The following CYP26B1 variants were observed in gnomAD, a reference collection of about 807,000 sequenced individuals.
The protein encoded by CYP26B1 is cytochrome P450 family 26 subfamily B member 1, also known as cytochrome P450 26B1.
Under a neutral mutation model 39.1 loss-of-function variants are expected in CYP26B1, and 8 were observed. The ratio of observed to expected loss-of-function variants is 0.20; its 90% CI spans 0.12 to 0.37. The LOEUF (loss-of-function observed/expected upper bound fraction) is 0.37. Ranked by LOEUF, CYP26B1 falls within the 10% of genes least tolerant of loss-of-function variation. CYP26B1 has a pLI of 1.00. For missense variants in CYP26B1, 615 were observed against 707.0 expected, an observed-to-expected ratio of 0.87 and a Z score of 1.48; for synonymous variants, 321 against 314.3, an observed-to-expected ratio of 1.02 and a Z score of -0.23.
chr2:72,129,534 T>C lies in CYP26B1; in HGVS notation c.*2693A>G, dbSNP rs1389372792. ...AACAAATATTTAACAGCAAAAACTT[T>C]ATACTAAATATCTATTTTGAATTAT... is the stretch of plus-strand genomic sequence containing the variant. On this transcript the variant is annotated 3_prime_UTR_variant, in exon 6 of 6. Transcript: ENST00000001146. The C allele has an allele frequency of 6.6e-6, 1 of 152,570 alleles. No homozygotes were observed. The highest frequency in any genetic ancestry group is 1.5e-5 in the Non-Finnish European group (1 of 68,046). The allele number at this position is 152,570 out of a possible 1,614,324, so 9.5% of individuals were successfully genotyped here. A position where few individuals can be genotyped will look rare whatever the true frequency, so the allele number is the denominator to read the frequency against.
intron 2 of CYP26B1, among the ~76,000 whole-genome samples, chr2:72,142,119 G>T (rs2104085500): frequency 1.3e-5 from 2 of 151,322 alleles, no homozygotes; most frequent in East Asian, 3.9e-4. Context: ...TCCTGAGGCG[G>T]GTCATCTGCA....
rs756773895 is a variant in CYP26B1 at position 72,133,023 on chromosome 2, A to G, written c.1146T>C (p.Asp382=). ...CCCGGTGCCACGGGCCCAGCCTCAC[A>G]TCAAGCTCGAAGGTCTGCAGCACAG... is the stretch of plus-strand genomic sequence containing the variant. ...YRTVLQTFEL[D]GFQIPKGWSV... The change falls in exon 5 of 6, where the codon GAT becomes GAC. Residue 382 remains aspartate (D), a splice_region_variant and synonymous_variant. Coordinates refer to ENST00000001146, the MANE Select transcript of CYP26B1 (RefSeq NM_019885.4). 2 of 1,613,150 alleles carry G rather than the reference A, an allele frequency of 1.2e-6. No homozygotes were observed. Among genetic ancestry groups the G allele is most frequent in the South Asian group, 1.1e-5 (1 of 91,088 alleles).
chr2:72,132,927 C>T, intron 5 of CYP26B1, 96 bp downstream of exon 5: 1 of 1,571,172 alleles, frequency 6.4e-7, no homozygotes, highest in Non-Finnish European at 8.7e-7. Context: ...CCCCATCAGG[C>T]CTGAAGTCCC....
chr2:72,146,012 A>T (rs976861705), intron 1 of CYP26B1, among the ~76,000 whole-genome samples: 1 of 151,688 alleles, frequency 6.6e-6, no homozygotes, highest in Non-Finnish European at 1.5e-5. Flanking sequence ...CTGTACACGT[A>T]CCCCCTATTT....
Position 72,143,976 on chromosome 2 carries a change from G to A in CYP26B1, c.429+13C>T, listed in dbSNP as rs780263423. The A allele has an allele frequency of 2.5e-6, 4 of 1,613,154 alleles. No individual in the cohort carries two copies. Among genetic ancestry groups the A allele is most frequent in the Middle Eastern group, 1.7e-4 (1 of 6,036 alleles). ...GGAGGGATTGCGCGGAAGAAAACGGGCAGAGTTCTTACCTTGCGCTTGTTG... is the reference window on the plus strand; with the variant it reads ...GGAGGGATTGCGCGGAAGAAAACGGACAGAGTTCTTACCTTGCGCTTGTTG... On this transcript the variant is annotated intron_variant, in intron 2 of 5. Coordinates refer to ENST00000001146, the MANE Select transcript of CYP26B1 (RefSeq NM_019885.4).
At chr2:72,145,571 C>T (rs189131864) in intron 1 of CYP26B1, among the ~76,000 whole-genome samples, 6 of 152,312 alleles carry the variant, frequency 3.9e-5, no homozygotes, top group Admixed American at 1.3e-4. Context: ...GGGTTTCCCT[C>T]CCTCCGTCTG....
chr2:72,146,334 G>T (rs1293552657), intron 1 of CYP26B1, among the ~76,000 whole-genome samples: 1 of 143,094 alleles, frequency 7.0e-6, no homozygotes, highest in Non-Finnish European at 1.5e-5. Flanking sequence ...GGTGGCGAGG[G>T]AAAGGCTCTG....
Position 72,133,128 on chromosome 2 carries a change from C to G in CYP26B1, c.1041G>C (p.Thr347=), listed in dbSNP as rs372265677. ...CPCEGTLRLD[T]LSGLRYLDCV... is the part of the protein sequence containing the mutation. ...AGTCCAGGTAGCGCAGCCCACTGAG[C>G]GTGTCCAGGCGCAGTGTGCCCTCGC... Residue 347 remains threonine, a synonymous_variant, in exon 5 of 6, where the codon ACG becomes ACC. Transcript: ENST00000001146. The G allele has an allele frequency of 3.3e-5, 53 of 1,612,900 alleles. No individual in the cohort carries two copies. Among genetic ancestry groups the G allele is most frequent in the Non-Finnish European group, 4.4e-5 (52 of 1,179,946 alleles).
At chr2:72,143,945 G>A in intron 2 of CYP26B1, 44 bp downstream of exon 2, 1 of 1,603,634 alleles carries the variant, frequency 6.2e-7, no homozygotes, top group South Asian at 1.1e-5. Flanking sequence ...CTTGCCCCGA[G>A]GTGGGGGAGG....
rs577187734 is a variant in CYP26B1, at chr2:72,145,363, C to T, written c.205-1150G>A. Among the ~76,000 whole-genome samples, 432 of 152,342 alleles carry T rather than the reference C, an allele frequency of 2.8e-3. 3 individuals are homozygous for T. Among genetic ancestry groups the T allele is most frequent in the African/African-American group, 0.01 (425 of 41,580 alleles). ...CTAATCACTTTTCCACATGCGCCTC[C>T]GGCCCGGCGCGCGACGGGGAACGAG... On this transcript the variant is annotated intron_variant, in intron 1 of 5. Coordinates refer to ENST00000001146, the MANE Select transcript of CYP26B1 (RefSeq NM_019885.4).
rs149302873 is a variant in CYP26B1 at position 72,133,260 on chromosome 2, G to A, written c.909C>T (p.Ser303=). 116 of 1,610,724 alleles carry A rather than the reference G, an allele frequency of 7.2e-5. 1 individual carries two copies. The African/African-American group carries it at 9.9e-4, about 14-fold the overall frequency. The change falls in exon 5 of 6, where the codon AGC becomes AGT. Residue 303 remains serine, a synonymous_variant. Coordinates refer to ENST00000001146, the MANE Select transcript of CYP26B1 (RefSeq NM_019885.4). ...GCTGCATGATGAGTGAGGTGCTGGCGCTGGCCGTGGTGGCATAGGCCGCAA... is the reference window on the plus strand; with the variant it reads ...GCTGCATGATGAGTGAGGTGCTGGCACTGGCCGTGGTGGCATAGGCCGCAA... ...LIFAAYATTA[S]ASTSLIMQLL...
At position 72,147,582 on chromosome 2, in the gene CYP26B1, G is replaced by T. The variant is rs763372375; in HGVS notation, c.204+49C>A. On this transcript the variant is annotated intron_variant, in intron 1 of 5. Transcript: ENST00000001146. The surrounding 1 kb of genome is among the most constrained non-coding windows in gnomAD (Gnocchi z 6.1). ...CGGCCCGCCGCTCCGTCTGCCCCGC[G>T]CTCGCAGCTAGCGGACCCCGGAGTG... The T allele has an allele frequency of 6.5e-7, 1 of 1,547,958 alleles. No homozygotes were observed. The highest frequency in any genetic ancestry group is 2.5e-5 in the East Asian group (1 of 39,670).
intron 2 of CYP26B1, among the ~76,000 whole-genome samples, chr2:72,139,478 G>T (rs986040976): frequency 2.2e-4 from 34 of 152,178 alleles, no homozygotes; most frequent in African/African-American, 8.2e-4. Flanking sequence ...CCCTCTGGTT[G>T]CGAGGAGGCT....
At chr2:72,143,570 C>T (rs1462842957) in intron 2 of CYP26B1, among the ~76,000 whole-genome samples, 1 of 152,252 alleles carries the variant, frequency 6.6e-6, no homozygotes, top group East Asian at 1.9e-4. Flanking sequence ...TTCAAGCAGC[C>T]TGTGGTGGGA....
At chr2:72,144,247 G>T in intron 1 of CYP26B1, 34 bp from the exon 2 acceptor site, 2 of 1,569,832 alleles carry the variant, frequency 1.3e-6, no homozygotes, top group Non-Finnish European at 1.7e-6. Context: ...CTCTCAGGGT[G>T]CACTTCTGCA....
intron 1 of CYP26B1, among the ~76,000 whole-genome samples, chr2:72,146,891 T>C (rs529488796): frequency 1.5e-4 from 23 of 152,100 alleles, no homozygotes; most frequent in African/African-American, 5.1e-4. Context: ...CAGAGTGGGG[T>C]TGTGCGGCAT....
At chr2:72,138,054 G>A (rs1472310789) in intron 2 of CYP26B1, among the ~76,000 whole-genome samples, 1 of 152,180 alleles carries the variant, frequency 6.6e-6, no homozygotes, top group Admixed American at 6.5e-5. Flanking sequence ...TGTCCGTGAC[G>A]CTCCTCAGAG....
chr2:72,142,312 T>A (rs1026316259), intron 2 of CYP26B1, among the ~76,000 whole-genome samples: 20 of 152,300 alleles, frequency 1.3e-4, no homozygotes, highest in African/African-American at 4.6e-4. Context: ...TCTCACACTC[T>A]GGTCCTGGCC....
rs539224198 is a variant in CYP26B1 at position 72,141,303 on chromosome 2, T to G, written c.429+2686A>C. The stretch of plus-strand genomic sequence containing the variant: ...GCCTGGCTTCCAGAGATGATTCTGT[T>G]AGACTGGGCAAGACTTTCTGGACTT... On this transcript the variant is annotated intron_variant, in intron 2 of 5. Transcript: ENST00000001146. Among the ~76,000 whole-genome samples the G allele has an allele frequency of 6.3e-4, 96 of 152,288 alleles. 1 individual carries two copies. The highest frequency in any genetic ancestry group is 2.2e-3 in the African/African-American group (93 of 41,566).
Sources: allele counts gnomAD v4.1 joint callset (sites outside exome capture counted in the v4.1 genomes callset), GRCh38; gene constraint gnomAD v4.1.1; non-coding constraint Gnocchi (gnomAD v3.1); transcripts MANE v1.5; gene names NCBI Gene and HGNC (gene_info 2026-07-23, HGNC 2026-07-21).